The following RYR1 variants were observed in gnomAD, a reference collection of about 807,000 sequenced individuals.
RYR1 encodes the protein ryanodine receptor 1.
A neutral mutation model predicts 583.5 loss-of-function variants in RYR1; 342 were observed. That is an observed-to-expected ratio of 0.59 (90% CI 0.54 to 0.64). The LOEUF (loss-of-function observed/expected upper bound fraction) is 0.64, where lower values mean the gene tolerates loss of function less well. Ranked by LOEUF, RYR1 falls within the 30% of genes least tolerant of loss-of-function variation. RYR1 has a pLI of 0.00. For synonymous variants in RYR1, 2,791 were observed against 2,822.5 expected (o/e 0.99, Z 0.35); for missense variants, 6,032 against 6,917.2 (o/e 0.87, Z 4.54).
At position 38,505,047 on chromosome 19, in the gene RYR1, C is replaced by T. The variant is rs866139708; in HGVS notation, c.8276C>T (p.Ala2759Val). 3 of 1,614,134 alleles carry T rather than the reference C, an allele frequency of 1.9e-6. No homozygotes were observed. The highest frequency in any genetic ancestry group is 1.3e-5 in the African/African-American group (1 of 75,030). The change falls in exon 52 of 106, where the codon GCG becomes GTG. Residue 2759 changes from alanine (A) to valine (V), a missense_variant. Coordinates refer to ENST00000359596, the MANE Select transcript of RYR1 (RefSeq NM_000540.3). ...CTGGACTCCTTCATTAACAAGTTTG[C>T]GGAGTACACACACGAGAAGTGGGCC... ...EKLDSFINKF[A>V]EYTHEKWAFD...
chr19:38,446,175 C>T (rs1345521785), intron 7 of RYR1, among the ~76,000 whole-genome samples: 1 of 152,046 alleles, frequency 6.6e-6, no homozygotes, highest in African/African-American at 2.4e-5. Flanking sequence ...TGACCCCAAC[C>T]TCAAAAGTCC....
Position 38,578,219 on chromosome 19 carries a change from A to C in RYR1, c.14364+15A>C. ...TCACAGACAACGTGAGCAGGGGCCC[A>C]CAGACTGGGGAGGGACTCTGCAGGG... is the stretch of plus-strand genomic sequence containing the variant. On this transcript the variant is annotated intron_variant, in intron 99 of 105. Coordinates refer to ENST00000359596, the MANE Select transcript of RYR1 (RefSeq NM_000540.3). The C allele has an allele frequency of 6.2e-7, 1 of 1,612,680 alleles. No homozygotes were observed. Among genetic ancestry groups the C allele is most frequent in the East Asian group, 2.2e-5 (1 of 44,802 alleles).
intron 89 of RYR1, among the ~76,000 whole-genome samples, chr19:38,551,358 C>G (rs914292950): frequency 1.3e-5 from 2 of 151,984 alleles, no homozygotes; most frequent in African/African-American, 4.8e-5. Context: ...GCTGGGATTA[C>G]AGGTGTGAGC....
intron 71 of RYR1, among the ~76,000 whole-genome samples, chr19:38,526,559 C>G (rs1194470128): frequency 6.6e-6 from 1 of 151,690 alleles, no homozygotes; most frequent in African/African-American, 2.4e-5. Flanking sequence ...CCCAGTGAAC[C>G]CCCACCCTGC....
Position 38,455,296 on chromosome 19 carries a change from A to T in RYR1, c.1502A>T (p.His501Leu). ...DRLNVYTTAA[H>L]FAEFAGEEAA... Reference sequence around the variant, plus strand: ...CTAAATGTCTACACCACTGCTGCCCACTTTGCTGAGTTTGCAGGGGAGGAG... The same window carrying T: ...CTAAATGTCTACACCACTGCTGCCCTCTTTGCTGAGTTTGCAGGGGAGGAG... The change falls in exon 14 of 106, where the codon CAC becomes CTC. Residue 501 changes from histidine to leucine, a missense_variant. Around this residue, in one of 11 missense-constraint regions of RYR1, gnomAD observed 2,627 missense variants for 2,961.3 expected, o/e 0.89. Transcript: ENST00000359596. 6.2e-7 allele frequency: 1 copy of T among 1,614,064 alleles called. No individual in the cohort carries two copies. Among genetic ancestry groups the T allele is most frequent in the Non-Finnish European group, 8.5e-7 (1 of 1,179,996 alleles).
Position 38,565,424 on chromosome 19 carries a change from G to C in RYR1, c.13090G>C (p.Gly4364Arg). The change falls in exon 91 of 106, where the codon GGC (glycine) becomes CGC (arginine). Residue 4364 changes from glycine (G) to arginine (R), a missense_variant. Gly to Arg is a moderately radical substitution (Grantham distance 125). Transcript: ENST00000359596. The surrounding 1 kb of genome is among the most constrained non-coding windows in gnomAD (Gnocchi z 4.7). ...ALGLLWGSLFGGGLVEGAKKV... is the reference protein window; with the variant it reads ...ALGLLWGSLFRGGLVEGAKKV... ...GGGCCTGCTCTGGGGCTCGCTGTTC[G>C]GCGGCGGCCTGGTGGAGGGCGCCAA... 2.0e-6 allele frequency: 3 copies of C among 1,487,542 alleles called. No homozygotes were observed. The highest frequency in any genetic ancestry group is 1.5e-5 in the African/African-American group (1 of 68,500). 92.1% of individuals were successfully genotyped at this position (1,487,542 alleles called of 1,614,324 possible).
chr19:38,450,607 A>AG (rs1246192612), intron 11 of RYR1, among the ~76,000 whole-genome samples: 1 of 151,916 alleles, frequency 6.6e-6, no homozygotes, highest in African/African-American at 2.4e-5. Flanking sequence ...GCTGGTGGGG[A>AG]GGTGGTATCT....
In RYR1 at chr19:38,534,710, C is replaced by T; in HGVS notation, c.11260-10C>T. On this transcript the variant is annotated splice_polypyrimidine_tract_variant and intron_variant, in intron 78 of 105. Coordinates refer to ENST00000359596, the MANE Select transcript of RYR1 (RefSeq NM_000540.3). ...TGGACTTGCCTTCATGTGTCTGCCT[C>T]CCTTCCCAGGAGAAACAGATGGAGA... is the stretch of plus-strand genomic sequence containing the variant. 6.2e-7 allele frequency: 1 copy of T among 1,612,788 alleles called. No homozygotes were observed. The highest frequency in any genetic ancestry group is 8.5e-7 in the Non-Finnish European group (1 of 1,179,426).
chr19:38,529,126 C>T, intron 76 of RYR1, 69 bp downstream of exon 76: 1 of 1,516,500 alleles, frequency 6.6e-7, no homozygotes, highest in South Asian at 1.1e-5. Context: ...CCAGCAGCTT[C>T]CCTGTGCCTC....
intron 3 of RYR1, 45 bp from the exon 4 acceptor site, chr19:38,443,513 A>G: frequency 6.4e-7 from 1 of 1,562,020 alleles, no homozygotes; most frequent in Non-Finnish European, 8.8e-7. Context: ...GGATCTGGAG[A>G]GTCCGGGGAT....
In RYR1 at chr19:38,535,109, G is replaced by T. The variant is rs1338275868; in HGVS notation, c.11360-32G>T. On this transcript the variant is annotated intron_variant, in intron 79 of 105. Coordinates refer to ENST00000359596, the MANE Select transcript of RYR1 (RefSeq NM_000540.3). The stretch of plus-strand genomic sequence containing the variant: ...GTGGAACACACTGCCTTCCAACTGG[G>T]TGGACCATCTTTTTTCTCCCACTCC... 5 of 1,607,464 alleles carry T rather than the reference G, an allele frequency of 3.1e-6. No homozygotes were observed. The South Asian group carries it at 4.4e-5, about 14-fold the overall frequency.
chr19:38,501,204 A>T (rs1970100816), intron 47 of RYR1, among the ~76,000 whole-genome samples: 1 of 152,220 alleles, frequency 6.6e-6, no homozygotes, highest in African/African-American at 2.4e-5. Flanking sequence ...CAGTTATAAG[A>T]AATCATCATT....
chr19:38,567,705 T>A, intron 92 of RYR1, 68 bp from the exon 93 acceptor site: 1 of 1,612,836 alleles, frequency 6.2e-7, no homozygotes. Flanking sequence ...GGTGAATGGT[T>A]TTGAATGAAT....
chr19:38,451,838 C>T lies in RYR1; in HGVS notation c.1197C>T (p.Ala399=), dbSNP rs540083191. 10 of 1,614,120 alleles carry T rather than the reference C, an allele frequency of 6.2e-6. No individual in the cohort carries two copies. In the East Asian group the frequency reaches 6.7e-5, roughly 11 times the overall value. The change falls in exon 12 of 106, where the codon GCC becomes GCT. Residue 399 remains alanine (A), a synonymous_variant. Transcript: ENST00000359596. ...GCTGCCAGCAGGAGGAGTCCCAGGC[C>T]GCCCGCATGATCCACAGCACCAATG... ...LTRCQQEESQ[A]ARMIHSTNGL...
At chr19:38,439,505 G>A (rs1972575801) in intron 1 of RYR1, among the ~76,000 whole-genome samples, 1 of 150,466 alleles carries the variant, frequency 6.6e-6, no homozygotes, top group African/African-American at 2.4e-5. Context: ...GGCTATTTTT[G>A]GTTTTGTTTG....
intron 95 of RYR1, among the ~76,000 whole-genome samples, chr19:38,572,865 C>T (rs1263786041): frequency 2.7e-5 from 4 of 146,754 alleles, no homozygotes; most frequent in African/African-American, 1.0e-4. Context: ...TCTGCCTGTG[C>T]CCCCCAATTC....
chr19:38,580,290 C>T lies in RYR1; in HGVS notation c.14512-80C>T, dbSNP rs189611167. 2,319 of 1,597,142 alleles carry T rather than the reference C, an allele frequency of 1.5e-3. 6 individuals carry two copies. Among genetic ancestry groups the T allele is most frequent in the Middle Eastern group, 4.7e-3 (27 of 5,796 alleles). On this transcript the variant is annotated intron_variant, in intron 100 of 105. Transcript: ENST00000359596. Reference sequence around the variant, plus strand: ...CAAGGTAGAGCCACAGGGACTGAACCGGGGCCAGGACCCAGCATGGGCAGG... The same window carrying T: ...CAAGGTAGAGCCACAGGGACTGAACTGGGGCCAGGACCCAGCATGGGCAGG...
At chr19:38,481,301 A>AT (rs1182019428) in intron 31 of RYR1, among the ~76,000 whole-genome samples, 5 of 151,964 alleles carry the variant, frequency 3.3e-5, no homozygotes, top group African/African-American at 9.6e-5. Flanking sequence ...TAATTTTTGT[A>AT]TTTTTTGTAG....
At chr19:38,502,764 GGGGCA>G (rs780991109) in intron 48 of RYR1, 37 bp downstream of exon 48, 6 of 773,600 alleles carry the variant, frequency 7.8e-6, no homozygotes, top group Non-Finnish European at 9.7e-6. Flanking sequence ...GGCAGGGGCA[GGGGCA>G]GGGGCAGGGG....
Sources: allele counts gnomAD v4.1 joint callset (sites outside exome capture counted in the v4.1 genomes callset), GRCh38; gene constraint gnomAD v4.1.1; regional missense constraint gnomAD v4.1.1; non-coding constraint Gnocchi (gnomAD v3.1); transcripts MANE v1.5; gene names NCBI Gene and HGNC (gene_info 2026-07-23, HGNC 2026-07-21).